GZMK: variants seen among roughly 807,000 people sequenced by gnomAD.
The protein encoded by GZMK is NK-Tryp-2.
In GZMK, 18 loss-of-function variants were observed where a neutral mutation model predicts 22.8. The ratio of observed to expected loss-of-function variants is 0.79; its 90% confidence interval spans 0.54 to 1.17. GZMK has a LOEUF of 1.17. Ranked by LOEUF, GZMK falls within the 50% of genes most tolerant of loss-of-function variation. The probability of loss-of-function intolerance (pLI) is 0.00; values close to 1 mark genes in which losing one functional copy is unlikely to be tolerated. For missense variants in GZMK, 342 were observed against 320.2 expected (o/e 1.07, Z -0.52); for synonymous variants, 136 against 115.0 (o/e 1.18, Z -1.17).
chr5:55,029,945 T>C lies in GZMK; in HGVS notation c.213-489T>C, dbSNP rs539949614. On this transcript the variant is annotated intron_variant, in intron 2 of 4. Transcript: ENST00000231009. ...AGTGGTGGATGAACAACAATATACA[T>C]GTCCTTCATACCACCAAACTGTACA... Among the ~76,000 whole-genome samples, 6 of 152,294 alleles carry C rather than the reference T, an allele frequency of 3.9e-5. No individual in the cohort carries two copies. The South Asian group carries it at 1.2e-3, about 32-fold the overall frequency.
chr5:55,033,668 A>G (rs1741268854), intron 4 of GZMK, 97 bp from the exon 5 acceptor site: 1 of 831,990 alleles, frequency 1.2e-6, no homozygotes, highest in Admixed American at 2.7e-5. Flanking sequence ...GCAAAGACCC[A>G]GATGATAATC....
chr5:55,028,775 T>A (rs563129851), intron 2 of GZMK, among the ~76,000 whole-genome samples: 6 of 152,350 alleles, frequency 3.9e-5, no homozygotes, highest in African/African-American at 1.4e-4. Context: ...TGTAATGGAA[T>A]GTATCTGTAG....
At chr5:55,026,198 A>G (rs1741140224) in intron 2 of GZMK, among the ~76,000 whole-genome samples, 1 of 151,750 alleles carries the variant, frequency 6.6e-6, no homozygotes. Flanking sequence ...ACACTGAAAG[A>G]TCTTTCTTTC....
Position 55,024,751 on chromosome 5 carries a change from TGGA to T in GZMK, c.159_161del (p.Gly54del). On this transcript the variant is annotated inframe_deletion, in exon 2 of 5. Coordinates refer to ENST00000231009, the MANE Select transcript of GZMK (RefSeq NM_002104.3). The stretch of plus-strand genomic sequence containing the variant: ...TCCAGTATGGCGGACATCACGTTTG[TGGA>T]GGTGTTCTGATTGATCCACAGTGGG... 1 of 1,612,048 alleles carries T rather than the reference TGGA, an allele frequency of 6.2e-7. No individual in the cohort carries two copies. The highest frequency in any genetic ancestry group is 8.5e-7 in the Non-Finnish European group (1 of 1,178,170).
chr5:55,025,176 G>C (rs1741125092), intron 2 of GZMK: 2 of 162,256 alleles, frequency 1.2e-5, no homozygotes, highest in Admixed American at 6.4e-5. Context: ...ATTTTACAAA[G>C]GGGTAATAAT....
chr5:55,030,117 C>G (rs1741203012), intron 2 of GZMK, among the ~76,000 whole-genome samples: 1 of 152,110 alleles, frequency 6.6e-6, no homozygotes, highest in Non-Finnish European at 1.5e-5. Context: ...CATAAATGAA[C>G]ATAATTTTGT....
At chr5:55,033,346 T>A (rs1580301654) in intron 4 of GZMK, among the ~76,000 whole-genome samples, 1 of 152,216 alleles carries the variant, frequency 6.6e-6, no homozygotes, top group Non-Finnish European at 1.5e-5. Flanking sequence ...CGATTTTAGG[T>A]CTGTGAGCAT....
chr5:55,026,262 C>A (rs188799481), intron 2 of GZMK, among the ~76,000 whole-genome samples: 1,766 of 152,072 alleles, frequency 0.012, 18 homozygotes, highest in South Asian at 0.022. Context: ...AAGTGCTTCA[C>A]TAGCCATAAA....
intron 2 of GZMK, among the ~76,000 whole-genome samples, chr5:55,029,149 C>G (rs377374620): frequency 6.6e-6 from 1 of 151,998 alleles, no homozygotes; most frequent in African/African-American, 2.4e-5. Flanking sequence ...GCAGGAGAAT[C>G]GCTTGATCCT....
chr5:55,024,643 T>G lies in GZMK; in HGVS notation c.65-17T>G. The stretch of plus-strand genomic sequence containing the variant: ...GTTTAGATCTTTTGTGTGAAACCTT[T>G]TGGTCTACTTTTGTAGGTTTCAATA... On this transcript the variant is annotated splice_polypyrimidine_tract_variant and intron_variant, in intron 1 of 4. Coordinates refer to ENST00000231009, the MANE Select transcript of GZMK (RefSeq NM_002104.3). The G allele has an allele frequency of 6.4e-7, 1 of 1,568,888 alleles. No homozygotes were observed. The highest frequency in any genetic ancestry group is 1.7e-5 in the Admixed American group (1 of 57,764).
rs747155842 is a variant in GZMK at position 55,024,699 on chromosome 5, C to T, written c.104C>T (p.Pro35Leu). The stretch of plus-strand genomic sequence containing the variant: ...ATTATTGGAGGGAAAGAAGTGTCAC[C>T]TCATTCCAGGCCATTTATGGCCTCC... Reference protein sequence around the residue: ...MEIIGGKEVSPHSRPFMASIQ... With the variant: ...MEIIGGKEVSLHSRPFMASIQ... The change falls in exon 2 of 5, where the codon CCT becomes CTT. Residue 35 changes from proline to leucine, a missense_variant. Pro to Leu is a moderately conservative substitution (Grantham distance 98). Coordinates refer to ENST00000231009, the MANE Select transcript of GZMK (RefSeq NM_002104.3). 2.5e-6 allele frequency: 4 copies of T among 1,606,484 alleles called. No homozygotes were observed. The highest frequency in any genetic ancestry group is 1.3e-5 in the African/African-American group (1 of 74,910).
At chr5:55,024,853 A>G in intron 2 of GZMK, 46 bp downstream of exon 2, 1 of 1,341,992 alleles carries the variant, frequency 7.5e-7, no homozygotes, top group Non-Finnish European at 1.0e-6. Context: ...TCTGAAAGTT[A>G]TTATAGGTAC....
chr5:55,034,356 T>C lies in GZMK; in HGVS notation c.*430T>C, dbSNP rs1741284087. On this transcript the variant is annotated 3_prime_UTR_variant, in exon 5 of 5. Coordinates refer to ENST00000231009, the MANE Select transcript of GZMK (RefSeq NM_002104.3). ...AAATGTTTAAGGGTATGATACATTATTGTTAACTATAGGCATGATCTTGCA... is the reference window on the plus strand; with the variant it reads ...AAATGTTTAAGGGTATGATACATTACTGTTAACTATAGGCATGATCTTGCA... 6.3e-6 allele frequency: 1 copy of C among 159,226 alleles called. No homozygotes were observed. The highest frequency in any genetic ancestry group is 1.4e-5 in the Non-Finnish European group (1 of 72,252). 9.9% of individuals were successfully genotyped at this position (159,226 alleles called of 1,614,324 possible).
Position 55,034,307 on chromosome 5 carries a change from G to A in GZMK, c.*381G>A, listed in dbSNP as rs73755325. The A allele has an allele frequency of 0.29, 53,532 of 182,286 alleles. 8,435 individuals are homozygous for A. Among genetic ancestry groups the A allele is most frequent in the African/African-American group, 0.41 (17,258 of 42,086 alleles). The allele number at this position is 182,286 out of a possible 1,614,324, so 11.3% of individuals were successfully genotyped here. ...TTCTTTTCATTGTTGTGATAACATT[G>A]AACATGAGATAGGCCCTTGCAACAA... On this transcript the variant is annotated 3_prime_UTR_variant, in exon 5 of 5. Coordinates refer to ENST00000231009, the MANE Select transcript of GZMK (RefSeq NM_002104.3).
intron 4 of GZMK, among the ~76,000 whole-genome samples, chr5:55,032,080 G>A (rs1741243807): frequency 6.6e-6 from 1 of 152,154 alleles, no homozygotes; most frequent in African/African-American, 2.4e-5. Flanking sequence ...CTGACTGACT[G>A]TCTTCGTCTG....
At chr5:55,024,935 G>A (rs1741121826) in intron 2 of GZMK, 128 bp downstream of exon 2, 1 of 560,612 alleles carries the variant, frequency 1.8e-6, no homozygotes, top group East Asian at 3.0e-5. Context: ...CCAACTGGTG[G>A]CGTTTATTTA....
At chr5:55,030,393 G>A (rs769839666) in intron 2 of GZMK, 41 bp from the exon 3 acceptor site, 24 of 1,601,100 alleles carry the variant, frequency 1.5e-5, no homozygotes, top group Non-Finnish European at 2.0e-5. Context: ...TGGGGGATTT[G>A]GAAATCATTC....
At chr5:55,028,059 G>T (rs1298103586) in intron 2 of GZMK, among the ~76,000 whole-genome samples, 1 of 152,190 alleles carries the variant, frequency 6.6e-6, no homozygotes, top group Non-Finnish European at 1.5e-5. Context: ...TGCTTGGGTT[G>T]TTTTTGGTCT....
intron 3 of GZMK, 47 bp downstream of exon 3, chr5:55,030,631 C>CATCCTCAACTAATTG: frequency 7.0e-7 from 1 of 1,437,628 alleles, no homozygotes. Context: ...CATTTTTATA[C>CATCCTCAACTAATTG]AGGATGGCTC....
Sources: gnomAD v4.1 joint callset for allele counts (sites outside exome capture counted in the v4.1 genomes callset) on GRCh38, gnomAD v4.1.1 for gene constraint, MANE v1.5 for transcripts, NCBI Gene and HGNC (gene_info 2026-07-23, HGNC 2026-07-21) for gene names.